CLEC16A: variants seen among roughly 807,000 people sequenced by gnomAD.
CLEC16A encodes the protein protein CLEC16A.
Under a neutral mutation model 109.5 loss-of-function variants are expected in CLEC16A, and 51 were observed. The observed-to-expected ratio is 0.47, with a 90% confidence interval of 0.37 to 0.59. CLEC16A has a LOEUF of 0.59. Ranked by LOEUF, CLEC16A falls within the 20% of genes least tolerant of loss-of-function variation. The pLI is 0.00. For missense variants in CLEC16A, 1,339 were observed against 1,394.0 expected, an observed-to-expected ratio of 0.96 and a Z score of 0.63; for synonymous variants, 673 against 564.2, an observed-to-expected ratio of 1.19 and a Z score of -2.73.
chr16:11,088,523 C>A (rs1336381740), intron 19 of CLEC16A, among the ~76,000 whole-genome samples: 1 of 152,224 alleles, frequency 6.6e-6, no homozygotes, highest in Non-Finnish European at 1.5e-5. Context: ...AAGGAAGGCC[C>A]ATGGCGACCC....
intron 19 of CLEC16A, among the ~76,000 whole-genome samples, chr16:11,064,016 A>G (rs768732728): frequency 1.3e-4 from 19 of 151,626 alleles, no homozygotes; most frequent in Non-Finnish European, 2.4e-4. Context: ...GAGGGGAGGA[A>G]CTAGATAAAA....
chr16:11,063,036 C>A (rs376136254), intron 19 of CLEC16A, among the ~76,000 whole-genome samples: 13 of 152,224 alleles, frequency 8.5e-5, no homozygotes, highest in African/African-American at 3.1e-4. Context: ...AATAAAGGTT[C>A]AAAGTTTTTC....
rs191132901 is a variant in CLEC16A at position 10,957,795 on chromosome 16, G to C, written c.94G>C (p.Val32Leu). ...SLDHLKYLYHVLTKNTTVTEQ... is the reference protein window; with the variant it reads ...SLDHLKYLYHLLTKNTTVTEQ... ...CATTTCTCTCAGGTATCTGTACCAC[G>C]TTTTGACCAAAAACACCACAGTCAC... The change falls in exon 2 of 24, where the codon GTT becomes CTT. Residue 32 changes from valine (V) to leucine (L), a missense_variant. Physicochemically the swap from Val to Leu is conservative, Grantham distance 32. This residue lies in a region of CLEC16A where 117 missense variants were observed against 120.2 expected (regional missense o/e 0.97). Transcript: ENST00000409790. The C allele has an allele frequency of 1.2e-6, 2 of 1,613,790 alleles. No individual in the cohort carries two copies. Among genetic ancestry groups the C allele is most frequent in the African/African-American group, 1.3e-5 (1 of 74,980 alleles).
chr16:11,104,527 A>T (rs191443678), intron 19 of CLEC16A, among the ~76,000 whole-genome samples: 21 of 152,284 alleles, frequency 1.4e-4, no homozygotes, highest in African/African-American at 4.6e-4. Flanking sequence ...TGCTCTCTGG[A>T]ATACCCTTGT....
rs74947085 is a variant in CLEC16A at position 10,957,238 on chromosome 16, G to A, written c.81-544G>A. 5.3e-3 allele frequency among the ~76,000 whole-genome samples: 814 copies of A among 152,340 alleles called. 6 individuals are homozygous for A. Among genetic ancestry groups the A allele is most frequent in the Middle Eastern group, 0.031 (9 of 294 alleles). Reference sequence around the variant, plus strand: ...GAGAAGGATTGTGAGCATTCCAAGGGGAATTGCATGTGATTTTTGTCCCAG... The same window carrying A: ...GAGAAGGATTGTGAGCATTCCAAGGAGAATTGCATGTGATTTTTGTCCCAG... On this transcript the variant is annotated intron_variant, in intron 1 of 23. Coordinates refer to ENST00000409790, the MANE Select transcript of CLEC16A (RefSeq NM_015226.3).
intron 18 of CLEC16A, among the ~76,000 whole-genome samples, 188 bp downstream of exon 18, chr16:11,051,829 A>G (rs914293806): frequency 6.6e-6 from 1 of 152,264 alleles, no homozygotes; most frequent in Non-Finnish European, 1.5e-5. Context: ...TTTGGGAAGT[A>G]GGGTTTGGCA....
In CLEC16A at chr16:11,123,684, C is replaced by G. The variant is rs1338196532; in HGVS notation, c.2269-58C>G. Reference sequence around the variant, plus strand: ...TAGATGCCTCATGATGCCACAGCTCCTAGCCACCCTCCTCCCAAACCCAAC... The same window carrying G: ...TAGATGCCTCATGATGCCACAGCTCGTAGCCACCCTCCTCCCAAACCCAAC... On this transcript the variant is annotated intron_variant, in intron 20 of 23. Transcript: ENST00000409790. The G allele has an allele frequency of 1.9e-6, 3 of 1,555,614 alleles. No individual in the cohort carries two copies. The East Asian group carries it at 6.7e-5, about 35-fold the overall frequency.
At chr16:11,117,464 TAAC>T (rs2052081283) in intron 19 of CLEC16A, among the ~76,000 whole-genome samples, 2 of 152,216 alleles carry the variant, frequency 1.3e-5, no homozygotes, top group Non-Finnish European at 2.9e-5. Flanking sequence ...CTCTTGGTAA[TAAC>T]ATTTTTATCA....
At chr16:10,983,415 G>A (rs1020211467) in intron 10 of CLEC16A, among the ~76,000 whole-genome samples, 2 of 152,242 alleles carry the variant, frequency 1.3e-5, no homozygotes, top group African/African-American at 4.8e-5. Flanking sequence ...ACCTTGGCGA[G>A]CAGCTCCTGT....
chr16:11,072,600 T>C (rs184444651), intron 19 of CLEC16A, among the ~76,000 whole-genome samples: 1 of 152,306 alleles, frequency 6.6e-6, no homozygotes, highest in East Asian at 1.9e-4. Context: ...CTGTGTGACC[T>C]TGGACAAATT....
At chr16:10,992,010 G>A (rs1159911078) in intron 10 of CLEC16A, among the ~76,000 whole-genome samples, 2 of 152,204 alleles carry the variant, frequency 1.3e-5, no homozygotes, top group African/African-American at 4.8e-5. Flanking sequence ...GAGGCCAGTT[G>A]AGTAGCAGAT....
At chr16:11,112,089 C>T (rs2051629855) in intron 19 of CLEC16A, among the ~76,000 whole-genome samples, 1 of 152,188 alleles carries the variant, frequency 6.6e-6, no homozygotes, top group African/African-American at 2.4e-5. Context: ...AGGAGTGTCT[C>T]AGTGCCGATG....
chr16:11,105,195 A>T (rs2051145587), intron 19 of CLEC16A, among the ~76,000 whole-genome samples: 1 of 152,214 alleles, frequency 6.6e-6, no homozygotes, highest in South Asian at 2.1e-4. Context: ...TCACCGATGC[A>T]TTGTAAGATG....
chr16:11,169,814 G>A (rs765694736), intron 23 of CLEC16A, among the ~76,000 whole-genome samples: 4 of 152,198 alleles, frequency 2.6e-5, no homozygotes, highest in South Asian at 2.1e-4. Context: ...CTGTAGCCAC[G>A]GCAGGGCCTT....
intron 22 of CLEC16A, among the ~76,000 whole-genome samples, chr16:11,130,829 T>G (rs561258272): frequency 6.6e-6 from 1 of 152,334 alleles, no homozygotes; most frequent in Non-Finnish European, 1.5e-5. Flanking sequence ...GGTGTTTTAT[T>G]AGGACACATC....
chr16:11,086,468 T>C (rs2050014096), intron 19 of CLEC16A, among the ~76,000 whole-genome samples: 1 of 152,246 alleles, frequency 6.6e-6, no homozygotes, highest in South Asian at 2.1e-4. Context: ...ACCTCACTGG[T>C]AGGTAATTTC....
intron 23 of CLEC16A, among the ~76,000 whole-genome samples, chr16:11,167,802 G>C (rs980727942): frequency 6.6e-6 from 1 of 152,188 alleles, no homozygotes; most frequent in African/African-American, 2.4e-5. Flanking sequence ...CCCAATTTAA[G>C]GTTGGCTGCA....
In CLEC16A at chr16:11,170,498, G is replaced by A. The variant is rs752778982; in HGVS notation, c.2806+3946G>A. On this transcript the variant is annotated intron_variant, in intron 23 of 23. Coordinates refer to ENST00000409790, the MANE Select transcript of CLEC16A (RefSeq NM_015226.3). ...AACTCTCCACATTTATCCCAAACAC[G>A]TTCTCACCTTCCCGTGGGGACCTCA... Among the ~76,000 whole-genome samples the A allele has an allele frequency of 9.9e-5, 15 of 152,266 alleles. No homozygotes were observed. In the East Asian group the frequency reaches 1.7e-3, roughly 18 times the overall value.
intron 10 of CLEC16A, among the ~76,000 whole-genome samples, chr16:10,996,727 C>T (rs1479231009): frequency 6.6e-6 from 1 of 152,124 alleles, no homozygotes; most frequent in East Asian, 1.9e-4. Context: ...CAGGATTCAC[C>T]TGTCTGGGGT....
Sources: allele counts gnomAD v4.1 joint callset (sites outside exome capture counted in the v4.1 genomes callset), GRCh38; gene constraint gnomAD v4.1.1; regional missense constraint gnomAD v4.1.1; transcripts MANE v1.5; gene names NCBI Gene and HGNC (gene_info 2026-07-23, HGNC 2026-07-21).